SYN2: variants seen among roughly 807,000 people sequenced by gnomAD.
SYN2 encodes synapsin-2.
In SYN2, 19 loss-of-function variants were observed where a neutral mutation model predicts 50.9. The ratio of observed to expected loss-of-function variants is 0.37; its 90% CI spans 0.26 to 0.55. SYN2 has a LOEUF of 0.55. Among genes scored for constraint, SYN2 ranks in the 20% least tolerant of loss-of-function variants. SYN2 has a pLI of 0.81. For synonymous variants in SYN2, 255 were observed against 224.9 expected, an observed-to-expected ratio of 1.13 and a Z score of -1.20; for missense variants, 587 against 576.4, an observed-to-expected ratio of 1.02 and a Z score of -0.19.
chr3:12,014,032 T>C (rs1221201598), intron 1 of SYN2, among the ~76,000 whole-genome samples: 2 of 152,206 alleles, frequency 1.3e-5, no homozygotes, highest in African/African-American at 4.8e-5. Context: ...GAAACTCTTC[T>C]CTAACTCTCT....
At chr3:12,084,280 C>G (rs1233349980) in intron 1 of SYN2, among the ~76,000 whole-genome samples, 1 of 151,724 alleles carries the variant, frequency 6.6e-6, no homozygotes, top group East Asian at 1.9e-4. Context: ...GAGTTTTATT[C>G]TCTTTTTATT....
intron 1 of SYN2, among the ~76,000 whole-genome samples, chr3:12,022,663 C>T (rs991666139): frequency 6.6e-6 from 1 of 152,064 alleles, no homozygotes; most frequent in African/African-American, 2.4e-5. Context: ...CTGCCTCAGC[C>T]TCCCAAAATG....
chr3:12,131,192 G>A (rs534133363), intron 1 of SYN2, among the ~76,000 whole-genome samples: 63 of 152,306 alleles, frequency 4.1e-4, no homozygotes, highest in African/African-American at 1.4e-3. Flanking sequence ...AGGAAGAGGT[G>A]CCTTTTTCTA....
chr3:12,035,717 TTGTC>T (rs1385974173), intron 1 of SYN2, among the ~76,000 whole-genome samples: 1 of 152,154 alleles, frequency 6.6e-6, no homozygotes, highest in Non-Finnish European at 1.5e-5. Flanking sequence ...AAATAAAGCT[TTGTC>T]TGAAAACTTG....
chr3:12,113,139 G>A (rs1458643355), intron 1 of SYN2, among the ~76,000 whole-genome samples: 1 of 152,044 alleles, frequency 6.6e-6, no homozygotes, highest in African/African-American at 2.4e-5. Flanking sequence ...TCTCTGTTCT[G>A]TGCTCTAGGG....
At chr3:12,044,386 T>G (rs940755946) in intron 1 of SYN2, among the ~76,000 whole-genome samples, 5 of 152,160 alleles carry the variant, frequency 3.3e-5, no homozygotes, top group Non-Finnish European at 7.4e-5. Flanking sequence ...ATTGAAAGAT[T>G]TGAAATGAGA....
chr3:12,081,907 T>G (rs1695593698), intron 1 of SYN2, among the ~76,000 whole-genome samples: 1 of 152,190 alleles, frequency 6.6e-6, no homozygotes, highest in African/African-American at 2.4e-5. Context: ...GCTTATTGGT[T>G]TGTCATTAAC....
intron 1 of SYN2, among the ~76,000 whole-genome samples, chr3:12,056,172 T>G (rs939746252): frequency 1.8e-4 from 27 of 151,982 alleles, no homozygotes; most frequent in African/African-American, 6.5e-4. Context: ...GTGTTTTGTT[T>G]TTTTTTTTTT....
chr3:12,112,168 C>G (rs533508838), intron 1 of SYN2, among the ~76,000 whole-genome samples: 2 of 152,092 alleles, frequency 1.3e-5, no homozygotes, highest in Non-Finnish European at 2.9e-5. Context: ...GAAGAGCCTT[C>G]TGCTTGGGAT....
chr3:12,087,916 A>AT (rs1045876551), intron 1 of SYN2, among the ~76,000 whole-genome samples: 36 of 149,492 alleles, frequency 2.4e-4, no homozygotes, highest in African/African-American at 8.9e-4. Flanking sequence ...CTCACATCAT[A>AT]TAAAAAAAAA....
intron 1 of SYN2, chr3:12,070,650 A>G (rs1011334090): frequency 7.5e-7 from 1 of 1,341,216 alleles, no homozygotes; most frequent in Non-Finnish European, 1.0e-6. Context: ...CATCCAGGCC[A>G]TGCTGTCCCT....
intron 1 of SYN2, among the ~76,000 whole-genome samples, chr3:12,105,873 C>G (rs1300020356): frequency 3.9e-5 from 6 of 152,120 alleles, no homozygotes; most frequent in Non-Finnish European, 8.8e-5. Context: ...ACTATAAACT[C>G]ATACAACTCC....
chr3:12,158,988 T>A, intron 5 of SYN2: 1 of 1,241,124 alleles, frequency 8.1e-7, no homozygotes, highest in Non-Finnish European at 1.1e-6. Context: ...TCCGCCTTCC[T>A]TTGGCTCTAG....
intron 1 of SYN2, among the ~76,000 whole-genome samples, chr3:12,041,970 C>T (rs186938769): frequency 1.3e-5 from 2 of 152,306 alleles, no homozygotes; most frequent in South Asian, 2.1e-4. Context: ...CTCATTTCTT[C>T]TTCCTTCAAT....
intron 1 of SYN2, among the ~76,000 whole-genome samples, chr3:12,095,287 G>A (rs888278615): frequency 1.3e-5 from 2 of 150,862 alleles, no homozygotes; most frequent in African/African-American, 2.4e-5. Context: ...ACTAAAGCCC[G>A]TAATCCTAGC....
intron 1 of SYN2, among the ~76,000 whole-genome samples, chr3:12,107,967 T>C (rs1034413267): frequency 6.6e-6 from 1 of 152,036 alleles, no homozygotes; most frequent in African/African-American, 2.4e-5. Flanking sequence ...TCCCAGCACT[T>C]TGAAAGGTTG....
chr3:12,171,110 C>G (rs1697927020), intron 10 of SYN2, among the ~76,000 whole-genome samples: 1 of 152,090 alleles, frequency 6.6e-6, no homozygotes, highest in African/African-American at 2.4e-5. Flanking sequence ...TTGAGAATAG[C>G]CCTGTATGGT....
chr3:12,035,775 A>T (rs891689135), intron 1 of SYN2, among the ~76,000 whole-genome samples: 1 of 152,120 alleles, frequency 6.6e-6, no homozygotes, highest in African/African-American at 2.4e-5. Flanking sequence ...GTGAGTGTGG[A>T]CTTCCTCCAG....
rs1428123765 is a variant in SYN2 at position 12,113,181 on chromosome 3, T to C, written c.378-27470T>C. On this transcript the variant is annotated intron_variant, in intron 1 of 12. Coordinates refer to ENST00000621198, the MANE Select transcript of SYN2 (RefSeq NM_133625.6). The stretch of plus-strand genomic sequence containing the variant: ...GTGGTCCAGATCAGCATCCTAGTTC[T>C]TGTACCAATATCTTCATGCAATATT... Among the ~76,000 whole-genome samples the C allele has an allele frequency of 2.0e-5, 3 of 152,318 alleles. No individual in the cohort carries two copies. The South Asian group carries it at 6.2e-4, about 32-fold the overall frequency.
Sources: allele counts gnomAD v4.1 joint callset (sites outside exome capture counted in the v4.1 genomes callset), GRCh38; gene constraint gnomAD v4.1.1; transcripts MANE v1.5; gene names NCBI Gene and HGNC (gene_info 2026-07-23, HGNC 2026-07-21).